RASGRP3: variants seen among roughly 807,000 people sequenced by gnomAD.
RASGRP3 encodes the protein ras guanyl-releasing protein 3.
In RASGRP3, 54 loss-of-function variants were observed where a neutral mutation model predicts 82.7. The ratio of observed to expected loss-of-function variants is 0.65; its 90% CI spans 0.52 to 0.82. The LOEUF (loss-of-function observed/expected upper bound fraction) is 0.82, where lower values mean the gene tolerates loss of function less well. Among genes scored for constraint, RASGRP3 ranks in the 40% least tolerant of loss-of-function variants. RASGRP3 has a pLI of 0.00. For missense variants in RASGRP3, 861 were observed against 828.9 expected (o/e 1.04, Z -0.48); for synonymous variants, 309 against 300.5 (o/e 1.03, Z -0.29).
intron 1 of RASGRP3, among the ~76,000 whole-genome samples, chr2:33,506,176 G>A (rs1390286065): frequency 6.6e-6 from 1 of 152,208 alleles, no homozygotes; most frequent in Non-Finnish European, 1.5e-5. Flanking sequence ...AATAGTGAAC[G>A]TTATTCATTT....
chr2:33,541,034 A>G lies in RASGRP3; in HGVS notation c.1278+1824A>G, dbSNP rs1409113898. Among the ~76,000 whole-genome samples, 5 of 146,946 alleles carry G rather than the reference A, an allele frequency of 3.4e-5. 1 individual carries two copies. The highest frequency in any genetic ancestry group is 6.1e-5 in the Non-Finnish European group (4 of 65,676). On this transcript the variant is annotated intron_variant, in intron 12 of 17. Transcript: ENST00000403687. ...GCGATAGATAGAATAGACAGAAACT[A>G]CTGGGAATTAATTAAAACTGGAGAT... is the stretch of plus-strand genomic sequence containing the variant.
chr2:33,449,370 A>G (rs1665664318), intron 2 of RASGRP3, among the ~76,000 whole-genome samples: 1 of 152,184 alleles, frequency 6.6e-6, no homozygotes, highest in African/African-American at 2.4e-5. Flanking sequence ...AAGACATAAT[A>G]CGTTATACTA....
intron 1 of RASGRP3, among the ~76,000 whole-genome samples, chr2:33,492,016 A>G (rs1019552306): frequency 1.3e-5 from 2 of 152,338 alleles, no homozygotes; most frequent in Admixed American, 1.3e-4. Flanking sequence ...GCAAAAGAGA[A>G]AACCTGTTTT....
At chr2:33,524,118 A>G (rs1029235020) in intron 8 of RASGRP3, 66 bp downstream of exon 8, 6 of 1,542,000 alleles carry the variant, frequency 3.9e-6, no homozygotes, top group Non-Finnish European at 5.3e-6. Flanking sequence ...GAGAAAAGTC[A>G]TTGAGGAAAT....
intron 2 of RASGRP3, among the ~76,000 whole-genome samples, chr2:33,468,973 C>G (rs1666885194): frequency 6.6e-6 from 1 of 152,126 alleles, no homozygotes. Context: ...TATATTCTTT[C>G]TGGTAGAGTA....
intron 1 of RASGRP3, among the ~76,000 whole-genome samples, chr2:33,487,754 C>A (rs1033763316): frequency 6.6e-6 from 1 of 152,100 alleles, no homozygotes; most frequent in African/African-American, 2.4e-5. Context: ...CAGAAAACAA[C>A]AAAACTTTGA....
chr2:33,545,136 T>C (rs889875200), intron 13 of RASGRP3, among the ~76,000 whole-genome samples: 7 of 152,216 alleles, frequency 4.6e-5, no homozygotes, highest in African/African-American at 1.4e-4. Context: ...AGAGACAAAA[T>C]TGAGATTGTC....
intron 2 of RASGRP3, among the ~76,000 whole-genome samples, chr2:33,468,694 C>T (rs1666867900): frequency 6.6e-6 from 1 of 152,116 alleles, no homozygotes; most frequent in African/African-American, 2.4e-5. Context: ...ACCACTGTAC[C>T]CAGCCACTTC....
chr2:33,510,028 T>G (rs1670784959), intron 1 of RASGRP3, among the ~76,000 whole-genome samples: 1 of 152,270 alleles, frequency 6.6e-6, no homozygotes, highest in Non-Finnish European at 1.5e-5. Flanking sequence ...GCTGACATCT[T>G]TGGCATTAAT....
rs1674262634 is a variant in RASGRP3, at chr2:33,541,300, A to C, written c.1278+2090A>C. 3.4e-5 allele frequency among the ~76,000 whole-genome samples: 5 copies of C among 147,246 alleles called. 1 individual carries two copies. ...TATTCTCCAAGGATAACCACTGATC[A>C]TTTGTAGATTATCTAATATGACTTT... is the stretch of plus-strand genomic sequence containing the variant. On this transcript the variant is annotated intron_variant, in intron 12 of 17. Transcript: ENST00000403687.
At chr2:33,455,761 C>T (rs946259416) in intron 2 of RASGRP3, among the ~76,000 whole-genome samples, 3 of 152,158 alleles carry the variant, frequency 2.0e-5, no homozygotes, top group East Asian at 1.9e-4. Flanking sequence ...TGAATTGTAT[C>T]GTCTGGCCTG....
Position 33,527,225 on chromosome 2 carries a change from T to C in RASGRP3, c.896T>C (p.Ile299Thr), listed in dbSNP as rs559300824. ...KAFADCDGFK[I>T]PILGVHLKDL... The stretch of plus-strand genomic sequence containing the variant: ...TTTGCCGACTGCGATGGCTTCAAAA[T>C]CCCCATCCTTGGAGTACACTTGAAA... Residue 299 changes from isoleucine to threonine, a missense_variant, in exon 10 of 18, where the codon ATC (isoleucine) becomes ACC (threonine). Ile to Thr is a moderately conservative substitution (Grantham distance 89, BLOSUM62 -1). Transcript: ENST00000403687. 1.9e-6 allele frequency: 3 copies of C among 1,614,040 alleles called. No homozygotes were observed. The highest frequency in any genetic ancestry group is 2.5e-6 in the Non-Finnish European group (3 of 1,179,892).
At chr2:33,492,559 G>C (rs978048234) in intron 1 of RASGRP3, among the ~76,000 whole-genome samples, 1 of 152,180 alleles carries the variant, frequency 6.6e-6, no homozygotes, top group Non-Finnish European at 1.5e-5. Context: ...AAGGTCACAA[G>C]AGTGGGGCTG....
chr2:33,502,833 C>G (rs1404274902), intron 1 of RASGRP3, among the ~76,000 whole-genome samples: 1 of 152,094 alleles, frequency 6.6e-6, no homozygotes. Flanking sequence ...ACTCTTTAAC[C>G]TTTACTTTAT....
At chr2:33,538,144 A>G (rs1033411239) in intron 11 of RASGRP3, among the ~76,000 whole-genome samples, 12 of 152,214 alleles carry the variant, frequency 7.9e-5, no homozygotes, top group African/African-American at 2.2e-4. Context: ...TTTTAGTGAT[A>G]TTTGGAGAAC....
At position 33,555,540 on chromosome 2, in the gene RASGRP3, A is replaced by C. The variant is rs761275507; in HGVS notation, c.1552A>C (p.Ile518Leu). The C allele has an allele frequency of 1.2e-5, 19 of 1,599,532 alleles. No homozygotes were observed. Among genetic ancestry groups the C allele is most frequent in the Non-Finnish European group, 1.4e-5 (16 of 1,169,320 alleles). Reference sequence around the variant, plus strand: ...TTGTCTTTTGTTACAGCTCTGGGGCATAATCAAGCAAGGATACAAATGCAA... The same window carrying C: ...TTGTCTTTTGTTACAGCTCTGGGGCCTAATCAAGCAAGGATACAAATGCAA... ...CEHCAGFLWG[I>L]IKQGYKCKDC... The change falls in exon 15 of 18, where the codon ATA becomes CTA. Residue 518 changes from isoleucine (I) to leucine (L), a missense_variant. Transcript: ENST00000403687.
chr2:33,462,930 G>A (rs10173760), intron 2 of RASGRP3, among the ~76,000 whole-genome samples: 127,114 of 152,178 alleles, frequency 0.84, 53,433 homozygotes, highest in African/African-American at 0.92. Flanking sequence ...ATTCTCAGAA[G>A]AAATGCAGAG....
rs775118574 is a variant in RASGRP3, at chr2:33,549,578, C to T, written c.1395-26C>T. 4 of 1,597,462 alleles carry T rather than the reference C, an allele frequency of 2.5e-6. No homozygotes were observed. In the South Asian group the frequency reaches 3.4e-5, roughly 14 times the overall value. On this transcript the variant is annotated intron_variant, in intron 13 of 17. Transcript: ENST00000403687. ...TTAGCAACCTGTTATTTAAAGATTC[C>T]CTCCCTTCTTTGATTCTCTTAACAG...
rs56664748 is a variant in RASGRP3, at chr2:33,529,487, C to CA, written c.1083+2088dup. Among the ~76,000 whole-genome samples, 474 of 57,042 alleles carry CA rather than the reference C, an allele frequency of 8.3e-3. 56 individuals carry two copies. Among genetic ancestry groups the CA allele is most frequent in the African/African-American group, 0.039 (418 of 10,826 alleles). 37.4% of individuals were successfully genotyped at this position (57,042 alleles called of 152,430 possible). A position where few individuals can be genotyped will look rare whatever the true frequency, so the allele number is the denominator to read the frequency against. ...TGGGCGACAGAGCGAGACTCCATCT[C>CA]AAAAAAAAAAAAATTCAGGAGTACA... is the stretch of plus-strand genomic sequence containing the variant. On this transcript the variant is annotated intron_variant, in intron 10 of 17. Coordinates refer to ENST00000403687, the MANE Select transcript of RASGRP3 (RefSeq NM_001139488.2).
Sources: gnomAD v4.1 joint callset for allele counts (sites outside exome capture counted in the v4.1 genomes callset) on GRCh38, gnomAD v4.1.1 for gene constraint, MANE v1.5 for transcripts, NCBI Gene and HGNC (gene_info 2026-07-23, HGNC 2026-07-21) for gene names.